Variants in ZNF804B observed in about 807,000 individuals in gnomAD.
ZNF804B encodes the protein zinc finger protein 804B.
Under a neutral mutation model 101.4 loss-of-function variants are expected in ZNF804B, and 80 were observed. The ratio of observed to expected loss-of-function variants is 0.79; its 90% confidence interval spans 0.66 to 0.95. The LOEUF (loss-of-function observed/expected upper bound fraction) is 0.95. Among genes scored for constraint, ZNF804B ranks in the 40% least tolerant of loss-of-function variants. ZNF804B has a pLI of 0.00. For synonymous variants in ZNF804B, 622 were observed against 558.8 expected (o/e 1.11, Z -1.59); for missense variants, 1,673 against 1,561.9 (o/e 1.07, Z -1.20).
intron 1 of ZNF804B, among the ~76,000 whole-genome samples, chr7:88,854,480 T>TCTTTC (rs1791513735): frequency 1.3e-5 from 1 of 79,958 alleles, no homozygotes; most frequent in South Asian, 4.7e-4. Context: ...TCTTTCTCTT[T>TCTTTC]CCTTTCCTTT....
At chr7:89,210,835 C>T (rs1169238704) in intron 1 of ZNF804B, among the ~76,000 whole-genome samples, 5 of 152,148 alleles carry the variant, frequency 3.3e-5, no homozygotes, top group Admixed American at 3.3e-4. Flanking sequence ...AATAGAATGA[C>T]TTATATTCCT....
chr7:89,265,299 T>C (rs7787050), intron 2 of ZNF804B, among the ~76,000 whole-genome samples: 74,982 of 140,034 alleles, frequency 0.54, 19,306 homozygotes, highest in East Asian at 0.8. Flanking sequence ...TGTGTGCGCG[T>C]GCGCGCGCGC....
In ZNF804B at chr7:88,989,905, TTCTA is replaced by T. The variant is rs1265873323; in HGVS notation, c.109-228244_109-228241del. On this transcript the variant is annotated intron_variant, in intron 1 of 3. Coordinates refer to ENST00000333190, the MANE Select transcript of ZNF804B (RefSeq NM_181646.5). ...AATGATAGTGTTATTTATATCATCTTTCTATCTATTTATCTACACACCTACCTAC... is the reference window on the plus strand; with the variant it reads ...AATGATAGTGTTATTTATATCATCTTTCTATTTATCTACACACCTACCTAC... 4.6e-5 allele frequency among the ~76,000 whole-genome samples: 7 copies of T among 152,166 alleles called. No homozygotes were observed. In the East Asian group the frequency reaches 1.4e-3, roughly 30 times the overall value.
Position 88,762,046 on chromosome 7 carries a change from G to C in ZNF804B, c.108+1962G>C, listed in dbSNP as rs370785565. Among the ~76,000 whole-genome samples the C allele has an allele frequency of 1.2e-4, 19 of 152,140 alleles. No individual in the cohort carries two copies. The South Asian group carries it at 2.3e-3, about 18-fold the overall frequency. On this transcript the variant is annotated intron_variant, in intron 1 of 3. Coordinates refer to ENST00000333190, the MANE Select transcript of ZNF804B (RefSeq NM_181646.5). Reference sequence around the variant, plus strand: ...CCTCAGGGCACTATTTTTATTCACTGCTGGGCTGGTTTTTACTAAAGTACA... The same window carrying C: ...CCTCAGGGCACTATTTTTATTCACTCCTGGGCTGGTTTTTACTAAAGTACA...
chr7:88,768,096 G>C (rs1201156271), intron 1 of ZNF804B, among the ~76,000 whole-genome samples: 2 of 152,146 alleles, frequency 1.3e-5, no homozygotes, highest in East Asian at 1.9e-4. Flanking sequence ...TAGAATGAAT[G>C]AACGGAGGTG....
At position 89,171,600 on chromosome 7, in the gene ZNF804B, A is replaced by G. The variant is rs142283572; in HGVS notation, c.109-46555A>G. Among the ~76,000 whole-genome samples, 1,365 of 151,896 alleles carry G rather than the reference A, an allele frequency of 9.0e-3. 24 individuals carry two copies. Among genetic ancestry groups the G allele is most frequent in the African/African-American group, 0.031 (1,284 of 41,422 alleles). ...CAACCTTGTGCCACCACACCTGGCT[A>G]ATTTTTGTAGTTTTAGTAGAAAATG... On this transcript the variant is annotated intron_variant, in intron 1 of 3. Coordinates refer to ENST00000333190, the MANE Select transcript of ZNF804B (RefSeq NM_181646.5).
At chr7:89,164,950 G>T (rs969336457) in intron 1 of ZNF804B, among the ~76,000 whole-genome samples, 8 of 151,950 alleles carry the variant, frequency 5.3e-5, no homozygotes, top group Non-Finnish European at 1.0e-4. Flanking sequence ...TTAATCCTCA[G>T]AACAGCCATA....
At chr7:88,882,218 T>G (rs1193500038) in intron 1 of ZNF804B, among the ~76,000 whole-genome samples, 3 of 152,190 alleles carry the variant, frequency 2.0e-5, no homozygotes, top group Admixed American at 6.6e-5. Flanking sequence ...CTAAAGAACA[T>G]GAGCAGACAC....
intron 1 of ZNF804B, among the ~76,000 whole-genome samples, chr7:89,067,833 T>C (rs140050604): frequency 0.015 from 2,288 of 149,390 alleles, 55 homozygotes; most frequent in African/African-American, 0.05. Flanking sequence ...CTTTTCTTTT[T>C]TTTTTTTTGA....
At chr7:89,324,435 C>T (rs1790866832) in intron 2 of ZNF804B, among the ~76,000 whole-genome samples, 1 of 151,878 alleles carries the variant, frequency 6.6e-6, no homozygotes. Flanking sequence ...TTTAAAAAAG[C>T]TTGTTTGTGT....
intron 1 of ZNF804B, among the ~76,000 whole-genome samples, chr7:88,764,851 T>C (rs1263232898): frequency 6.6e-6 from 1 of 152,162 alleles, no homozygotes; most frequent in African/African-American, 2.4e-5. Flanking sequence ...CTTCTTGAAT[T>C]CATGAATGCA....
At chr7:89,020,210 C>G (rs568707479) in intron 1 of ZNF804B, among the ~76,000 whole-genome samples, 1 of 152,062 alleles carries the variant, frequency 6.6e-6, no homozygotes, top group Non-Finnish European at 1.5e-5. Context: ...CTTCCAGATG[C>G]AGGACTCTCT....
At chr7:88,868,903 T>C (rs1486516913) in intron 1 of ZNF804B, among the ~76,000 whole-genome samples, 1 of 152,232 alleles carries the variant, frequency 6.6e-6, no homozygotes, top group Non-Finnish European at 1.5e-5. Context: ...ATGATTCAAG[T>C]CTAGGTATAT....
At chr7:89,277,212 A>ATCTG (rs1789995112) in intron 2 of ZNF804B, among the ~76,000 whole-genome samples, 1 of 150,196 alleles carries the variant, frequency 6.7e-6, no homozygotes, top group Non-Finnish European at 1.5e-5. Flanking sequence ...AATTCCTCAA[A>ATCTG]TGCAGAGCTA....
intron 2 of ZNF804B, among the ~76,000 whole-genome samples, chr7:89,326,201 T>A (rs1424620625): frequency 6.6e-6 from 1 of 152,074 alleles, no homozygotes; most frequent in African/African-American, 2.4e-5. Context: ...CTGTTCTCCC[T>A]GTAGCTGTTT....
intron 2 of ZNF804B, among the ~76,000 whole-genome samples, chr7:89,274,749 T>G (rs1304066528): frequency 6.6e-6 from 1 of 151,830 alleles, no homozygotes; most frequent in Non-Finnish European, 1.5e-5. Context: ...CTCTTCCACT[T>G]GCAGTTCTTC....
intron 1 of ZNF804B, 127 bp downstream of exon 1, chr7:88,760,211 T>C (rs1479917377): frequency 1.4e-5 from 10 of 716,834 alleles, no homozygotes; most frequent in Non-Finnish European, 2.2e-5. Context: ...ACCTTATCCA[T>C]AGGTATGGAG....
chr7:88,806,548 T>A (rs2115724000), intron 1 of ZNF804B, among the ~76,000 whole-genome samples: 1 of 152,152 alleles, frequency 6.6e-6, no homozygotes, highest in African/African-American at 2.4e-5. Context: ...GTTAAATCTC[T>A]CATCTGCTTC....
intron 1 of ZNF804B, among the ~76,000 whole-genome samples, chr7:88,777,466 C>A (rs1289488840): frequency 1.3e-5 from 2 of 152,160 alleles, no homozygotes; most frequent in Admixed American, 1.3e-4. Flanking sequence ...CATGCAGTCC[C>A]AGAGTAAAGT....
Sources: allele counts gnomAD v4.1 joint callset (sites outside exome capture counted in the v4.1 genomes callset), GRCh38; gene constraint gnomAD v4.1.1; transcripts MANE v1.5; gene names NCBI Gene and HGNC (gene_info 2026-07-23, HGNC 2026-07-21).